ANKS3: variants seen among roughly 807,000 people sequenced by gnomAD.
ANKS3 encodes the protein ankyrin repeat and sterile alpha motif domain containing 3, also known as ankyrin repeat and SAM domain-containing protein 3.
Under a neutral mutation model 80.7 loss-of-function variants are expected in ANKS3, and 62 were observed. The ratio of observed to expected loss-of-function variants is 0.77; its 90% CI spans 0.63 to 0.95. ANKS3 has a LOEUF of 0.95. Among genes scored for constraint, ANKS3 ranks in the 40% least tolerant of loss-of-function variants. The probability of loss-of-function intolerance (pLI) is 0.00; values close to 1 mark genes in which losing one functional copy is unlikely to be tolerated. For missense variants in ANKS3, 1,150 were observed against 883.6 expected, an observed-to-expected ratio of 1.30 and a Z score of -3.82; for synonymous variants, 489 against 355.3, an observed-to-expected ratio of 1.38 and a Z score of -4.23.
At chr16:4,719,777 G>A (rs944013166) in intron 6 of ANKS3, among the ~76,000 whole-genome samples, 1 of 152,038 alleles carries the variant, frequency 6.6e-6, no homozygotes, top group East Asian at 1.9e-4. Context: ...CTAGTGTGGT[G>A]ACAAAGCAAG....
intron 8 of ANKS3, among the ~76,000 whole-genome samples, chr16:4,703,804 C>G (rs1361145092): frequency 6.6e-6 from 1 of 152,106 alleles, no homozygotes; most frequent in East Asian, 1.9e-4. Flanking sequence ...CCTGAAATAC[C>G]ACACCTGAGA....
chr16:4,701,978 CCCTTT>C, intron 9 of ANKS3, 119 bp downstream of exon 9: 1 of 1,236,262 alleles, frequency 8.1e-7, no homozygotes, highest in Non-Finnish European at 1.1e-6. Flanking sequence ...CCACACCTAC[CCCTTT>C]CCTGTCCTCT....
In ANKS3 at chr16:4,708,938, CA is replaced by C. The variant is rs1174728403; in HGVS notation, c.710-3686del. ...TGGGCAACAGAGCGAGACTCTGTCTCAAAAAAAAAAAAAGAACAAACACAAA... is the reference window on the plus strand; with the variant it reads ...TGGGCAACAGAGCGAGACTCTGTCTCAAAAAAAAAAAAGAACAAACACAAA... On this transcript the variant is annotated intron_variant, in intron 7 of 17. Transcript: ENST00000304283. Among the ~76,000 whole-genome samples, 699 of 126,980 alleles carry C rather than the reference CA, an allele frequency of 5.5e-3. 1 individual carries two copies. Among genetic ancestry groups the C allele is most frequent in the African/African-American group, 0.011 (362 of 34,402 alleles). The allele number at this position is 126,980 out of a possible 152,430, so 83.3% of individuals were successfully genotyped here.
chr16:4,730,934 C>T (rs1188174004), intron 2 of ANKS3, among the ~76,000 whole-genome samples: 6 of 151,890 alleles, frequency 4.0e-5, no homozygotes, highest in African/African-American at 9.7e-5. Context: ...CACTGTCTAA[C>T]GGGGACATAT....
At chr16:4,714,014 G>C (rs777914001) in intron 7 of ANKS3, 37 bp downstream of exon 7, 1 of 1,608,484 alleles carries the variant, frequency 6.2e-7, no homozygotes, top group Non-Finnish European at 8.5e-7. Flanking sequence ...AAGGCAACCA[G>C]AGACCCCAGC....
intron 15 of ANKS3, 76 bp from the exon 16 acceptor site, chr16:4,697,492 C>A: frequency 2.4e-6 from 3 of 1,252,044 alleles, no homozygotes; most frequent in African/African-American, 1.5e-5. Flanking sequence ...TGAGCCCATG[C>A]AACCAGGAGA....
chr16:4,719,560 T>C (rs1427887821), intron 6 of ANKS3, among the ~76,000 whole-genome samples: 2 of 151,896 alleles, frequency 1.3e-5, no homozygotes, highest in African/African-American at 4.8e-5. Context: ...TCCAGCACTT[T>C]GGGAGGCCAA....
In ANKS3 at chr16:4,697,072, C is replaced by T. The variant is rs1475680585; in HGVS notation, c.1927G>A (p.Glu643Lys). Residue 643 changes from glutamate (E) to lysine (K), a missense_variant, in exon 17 of 18, where the codon GAG becomes AAG. Coordinates refer to ENST00000304283, the MANE Select transcript of ANKS3 (RefSeq NM_133450.4). ...QALCLVTQSLEKLQVLNGKKW... is the reference protein window; with the variant it reads ...QALCLVTQSLKKLQVLNGKKW... ...TTCCCGTTCAGCACCTGCAGCTTCT[C>T]CAGGCTCTGGGTCACTAAGCACAGT... The T allele has an allele frequency of 3.8e-5, 62 of 1,613,794 alleles. 2 individuals are homozygous for T. Among genetic ancestry groups the T allele is most frequent in the Non-Finnish European group, 5.1e-5 (60 of 1,180,010 alleles).
At chr16:4,718,607 C>T (rs890099886) in intron 6 of ANKS3, among the ~76,000 whole-genome samples, 1 of 152,342 alleles carries the variant, frequency 6.6e-6, no homozygotes, top group South Asian at 2.1e-4. Context: ...GGGTGGGCCC[C>T]CTCCTCTGGC....
intron 11 of ANKS3, chr16:4,700,284 G>C (rs1175100884): frequency 6.5e-6 from 1 of 154,196 alleles, no homozygotes; most frequent in African/African-American, 2.4e-5. Context: ...GGGCATGGTG[G>C]CGGGTGCCTG....
intron 14 of ANKS3, 163 bp from the exon 15 acceptor site, chr16:4,698,225 C>T (rs1256464712): frequency 2.0e-5 from 22 of 1,111,756 alleles, no homozygotes; most frequent in African/African-American, 1.3e-4. Context: ...AGCAGGAGGG[C>T]GACCGGTGCA....
At chr16:4,698,146 G>A (rs1478228888) in intron 14 of ANKS3, 84 bp from the exon 15 acceptor site, 11 of 1,442,816 alleles carry the variant, frequency 7.6e-6, no homozygotes, top group Non-Finnish European at 1.0e-5. Flanking sequence ...AGGGGAGGGA[G>A]GGGCTCAGCC....
chr16:4,698,962 G>C (rs77419023), intron 12 of ANKS3, 21 bp from the exon 13 acceptor site: 3 of 1,611,406 alleles, frequency 1.9e-6, no homozygotes, highest in East Asian at 4.5e-5. Context: ...AATGTGACCA[G>C]GATATGCCTC....
At chr16:4,698,642 G>C (rs1567295230) in intron 13 of ANKS3, 43 bp from the exon 14 acceptor site, 3 of 1,534,044 alleles carry the variant, frequency 2.0e-6, no homozygotes, top group Non-Finnish European at 2.6e-6. Context: ...GAGGTGGCCG[G>C]TCAAGCCAGA....
chr16:4,697,872 T>C (rs1268997197), intron 15 of ANKS3, 105 bp downstream of exon 15: 1 of 1,088,454 alleles, frequency 9.2e-7, no homozygotes, highest in African/African-American at 1.7e-5. Context: ...CCTGGGAGAG[T>C]GGCTGCCGGC....
Position 4,701,054 on chromosome 16 carries a change from C to A in ANKS3, c.1200G>T (p.Trp400Cys). 1.2e-6 allele frequency: 2 copies of A among 1,614,056 alleles called. No individual in the cohort carries two copies. Among genetic ancestry groups the A allele is most frequent in the Non-Finnish European group, 1.7e-6 (2 of 1,180,012 alleles). Residue 400 changes from tryptophan (W) to cysteine (C), a missense_variant, in exon 11 of 18, where the codon TGG becomes TGT. Transcript: ENST00000304283. ...CCCTGTCAGTTGCAGCGCGGGGAGG[C>A]CACTGGCTGTCAGGATTCTTGGTCT... The part of the protein sequence containing the change: ...YMKTKNPDSQ[W>C]PPRAATDREG...
chr16:4,720,783 C>T (rs2081048340), intron 6 of ANKS3, among the ~76,000 whole-genome samples: 1 of 149,390 alleles, frequency 6.7e-6, no homozygotes, highest in Admixed American at 6.8e-5. Flanking sequence ...ACTAAAAATA[C>T]AAAATTAGCT....
intron 6 of ANKS3, among the ~76,000 whole-genome samples, chr16:4,718,661 G>C (rs1345383550): frequency 3.3e-5 from 5 of 152,240 alleles, no homozygotes; most frequent in African/African-American, 1.2e-4. Flanking sequence ...ACGTGGGAGA[G>C]AGGAGCTTCC....
chr16:4,723,691 T>C (rs1336979307), intron 6 of ANKS3, among the ~76,000 whole-genome samples: 1 of 152,256 alleles, frequency 6.6e-6, no homozygotes. Flanking sequence ...ATTTTGTTTA[T>C]CAATTCCTCA....
Sources: gnomAD v4.1 joint callset for allele counts (sites outside exome capture counted in the v4.1 genomes callset) on GRCh38, gnomAD v4.1.1 for gene constraint, MANE v1.5 for transcripts, NCBI Gene and HGNC (gene_info 2026-07-23, HGNC 2026-07-21) for gene names.